Variants in RAB22A observed in about 807,000 individuals in gnomAD.
RAB22A encodes ras-related protein Rab-22A.
A neutral mutation model predicts 30.2 loss-of-function variants in RAB22A; 13 were observed. The ratio of observed to expected loss-of-function variants is 0.43; its 90% CI spans 0.28 to 0.68. The LOEUF (loss-of-function observed/expected upper bound fraction) is 0.68. Among genes scored for constraint, RAB22A ranks in the 30% least tolerant of loss-of-function variants. The pLI is 0.18. For synonymous variants in RAB22A, 89 were observed against 87.2 expected (o/e 1.02, Z -0.11); for missense variants, 177 against 246.8 (o/e 0.72, Z 1.89).
At position 58,364,794 on chromosome 20, in the gene RAB22A, TG is replaced by T. The variant is rs1273167809; in HGVS notation, c.*5093del. 1.3e-4 allele frequency: 19 copies of T among 151,602 alleles called. No individual in the cohort carries two copies. In the East Asian group the frequency reaches 3.7e-3, roughly 29 times the overall value. 9.4% of individuals were successfully genotyped at this position (151,602 alleles called of 1,614,324 possible). A position where few individuals can be genotyped will look rare whatever the true frequency, so the allele number is the denominator to read the frequency against. On this transcript the variant is annotated 3_prime_UTR_variant, in exon 7 of 7. Transcript: ENST00000244040. ...CTCTGTCGCCCAGGCTGGTATGCAG[TG>T]GCGCGATCTCAGCTCACTGCAACCT...
At chr20:58,345,042 C>T (rs1383059213) in intron 3 of RAB22A, among the ~76,000 whole-genome samples, 3 of 152,168 alleles carry the variant, frequency 2.0e-5, no homozygotes, top group Non-Finnish European at 4.4e-5. Context: ...AAGTGTGTCG[C>T]TTACCAGAAT....
At chr20:58,332,517 A>G (rs1986679200) in intron 2 of RAB22A, among the ~76,000 whole-genome samples, 2 of 152,238 alleles carry the variant, frequency 1.3e-5, no homozygotes, top group South Asian at 2.1e-4. Flanking sequence ...TGCTGTGTCC[A>G]GTCATCTTAT....
chr20:58,314,225 A>T (rs1476559053), intron 2 of RAB22A, among the ~76,000 whole-genome samples: 1 of 151,972 alleles, frequency 6.6e-6, no homozygotes, highest in African/African-American at 2.4e-5. Context: ...CCACAATGCC[A>T]AGCTAATTTT....
At chr20:58,326,139 C>G (rs1295788077) in intron 2 of RAB22A, among the ~76,000 whole-genome samples, 1 of 151,172 alleles carries the variant, frequency 6.6e-6, no homozygotes, top group Non-Finnish European at 1.5e-5. Flanking sequence ...GATCTTTTTC[C>G]TGTTTTGTTT....
At chr20:58,327,604 A>G (rs2122939040) in intron 2 of RAB22A, among the ~76,000 whole-genome samples, 1 of 152,346 alleles carries the variant, frequency 6.6e-6, no homozygotes, top group South Asian at 2.1e-4. Context: ...TTTGGGAGTC[A>G]TCTACCATGG....
chr20:58,342,501 C>T (rs1161172911), intron 2 of RAB22A, among the ~76,000 whole-genome samples: 1 of 152,122 alleles, frequency 6.6e-6, no homozygotes, highest in Non-Finnish European at 1.5e-5. Flanking sequence ...GTCTATTCAA[C>T]TTGCACTTTT....
At chr20:58,311,919 G>A (rs1986233613) in intron 2 of RAB22A, among the ~76,000 whole-genome samples, 2 of 152,146 alleles carry the variant, frequency 1.3e-5, no homozygotes. Context: ...CCATAAGATT[G>A]TCCCCTGAGA....
chr20:58,338,683 C>T (rs543573688), intron 2 of RAB22A, among the ~76,000 whole-genome samples: 1 of 152,326 alleles, frequency 6.6e-6, no homozygotes, highest in South Asian at 2.1e-4. Context: ...TCAGCTAACC[C>T]TCACTGAGAA....
Position 58,360,834 on chromosome 20 carries a change from A to G in RAB22A, c.*1131A>G, listed in dbSNP as rs923023734. 3 of 152,572 alleles carry G rather than the reference A, an allele frequency of 2.0e-5. No homozygotes were observed. Among genetic ancestry groups the G allele is most frequent in the East Asian group, 3.8e-4 (2 of 5,206 alleles). 9.5% of individuals were successfully genotyped at this position (152,572 alleles called of 1,614,324 possible). ...ACCCACCCGCCTCCCACCAGATCCC[A>G]TCTGGAAATCATAATAAAGACATAT... On this transcript the variant is annotated 3_prime_UTR_variant, in exon 7 of 7. Transcript: ENST00000244040.
intron 3 of RAB22A, among the ~76,000 whole-genome samples, chr20:58,344,740 T>C (rs1986916898): frequency 6.6e-6 from 1 of 152,228 alleles, no homozygotes; most frequent in Non-Finnish European, 1.5e-5. Flanking sequence ...GTGTGTAGTA[T>C]GAAATCTGAC....
chr20:58,349,271 A>G (rs187708911), intron 3 of RAB22A, among the ~76,000 whole-genome samples: 2 of 152,352 alleles, frequency 1.3e-5, no homozygotes. Flanking sequence ...TTTCTTGTGT[A>G]AGATCCACAT....
intron 2 of RAB22A, among the ~76,000 whole-genome samples, chr20:58,341,098 A>G (rs1986846693): frequency 6.6e-6 from 1 of 152,238 alleles, no homozygotes; most frequent in African/African-American, 2.4e-5. Context: ...CACAGCAAGT[A>G]TGAGTGGAAA....
intron 2 of RAB22A, among the ~76,000 whole-genome samples, chr20:58,340,662 T>TA (rs1986839893): frequency 6.6e-6 from 1 of 152,056 alleles, no homozygotes; most frequent in Non-Finnish European, 1.5e-5. Flanking sequence ...TCAAAGAACT[T>TA]AAAATTCTCA....
intron 2 of RAB22A, among the ~76,000 whole-genome samples, chr20:58,330,940 G>A (rs937701990): frequency 1.3e-5 from 2 of 152,282 alleles, no homozygotes; most frequent in Middle Eastern, 3.4e-3. Context: ...GTCTGTGTAT[G>A]GATTTGCAGC....
At chr20:58,321,862 G>A (rs1600725559) in intron 2 of RAB22A, among the ~76,000 whole-genome samples, 1 of 152,328 alleles carries the variant, frequency 6.6e-6, no homozygotes. Flanking sequence ...GTGCAGTGGT[G>A]CAGTCACAGC....
chr20:58,336,332 C>G (rs760081803), intron 2 of RAB22A, among the ~76,000 whole-genome samples: 2 of 151,516 alleles, frequency 1.3e-5, no homozygotes, highest in East Asian at 2.0e-4. Flanking sequence ...TTTCAATTAT[C>G]CAGCCCAAAA....
intron 1 of RAB22A, 54 bp downstream of exon 1, chr20:58,310,066 AC>A: frequency 3.2e-6 from 4 of 1,240,774 alleles, no homozygotes; most frequent in South Asian, 3.8e-5. Flanking sequence ...GCTGGCGGGG[AC>A]CCCGGATCCC....
At chr20:58,340,942 C>A (rs1025972552) in intron 2 of RAB22A, among the ~76,000 whole-genome samples, 1 of 152,038 alleles carries the variant, frequency 6.6e-6, no homozygotes, top group Non-Finnish European at 1.5e-5. Context: ...GACACAGGGA[C>A]AATTGAAAAG....
At position 58,310,080 on chromosome 20, in the gene RAB22A, CT is replaced by C. The variant is rs536522791; in HGVS notation, c.36+69del. On this transcript the variant is annotated intron_variant, in intron 1 of 6. Coordinates refer to ENST00000244040, the MANE Select transcript of RAB22A (RefSeq NM_020673.3). ...GGCTGGCGGGGACCCCGGATCCCCC[CT>C]GTCCCCTCATCCCTTCCCCCCTCCC... 285 of 1,231,076 alleles carry C rather than the reference CT, an allele frequency of 2.3e-4. 1 individual carries two copies. The African/African-American group carries it at 3.9e-3, about 17-fold the overall frequency. The allele number at this position is 1,231,076 out of a possible 1,614,324, so 76.3% of individuals were successfully genotyped here.
Sources: allele counts gnomAD v4.1 joint callset (sites outside exome capture counted in the v4.1 genomes callset), GRCh38; gene constraint gnomAD v4.1.1; transcripts MANE v1.5; gene names NCBI Gene and HGNC (gene_info 2026-07-23, HGNC 2026-07-21).